RWDD3: variants seen among roughly 807,000 people sequenced by gnomAD.
RWDD3 encodes the protein RWD domain-containing protein 3.
In RWDD3, 30 loss-of-function variants were observed where a neutral mutation model predicts 26.5. The observed-to-expected ratio is 1.13, with a 90% confidence interval of 0.85 to 1.54. The LOEUF (loss-of-function observed/expected upper bound fraction) is 1.54. RWDD3 is among the 40% of genes most tolerant of loss of function. RWDD3 has a pLI of 0.00. For synonymous variants in RWDD3, 113 were observed against 114.5 expected (o/e 0.99, Z 0.09); for missense variants, 296 against 309.1 (o/e 0.96, Z 0.32).
At chr1:95,242,403 C>G (rs1486523004) in intron 1 of RWDD3, among the ~76,000 whole-genome samples, 2 of 152,194 alleles carry the variant, frequency 1.3e-5, no homozygotes, top group African/African-American at 4.8e-5. Context: ...AGTAGGTGTT[C>G]AGTGAATGCT....
chr1:95,239,752 C>A, intron 1 of RWDD3: 1 of 1,244,534 alleles, frequency 8.0e-7, no homozygotes, highest in Admixed American at 2.8e-5. Context: ...GAGTTTCACC[C>A]ATTGCTATTC....
At position 95,246,675 on chromosome 1, in the gene RWDD3, T is replaced by C. The variant is rs912524146; in HGVS notation, c.689+18T>C. 6.4e-7 allele frequency: 1 copy of C among 1,561,326 alleles called. No individual in the cohort carries two copies. ...CACAAAAGGTATAATTTAGTACTAT[T>C]GCAGATGGAAAAGCAACTGAATCGA... On this transcript the variant is annotated intron_variant, in intron 3 of 3. Transcript: ENST00000370202.
intron 1 of RWDD3, among the ~76,000 whole-genome samples, chr1:95,235,495 A>G (rs1374206764): frequency 6.7e-6 from 1 of 149,586 alleles, no homozygotes; most frequent in African/African-American, 2.5e-5. Context: ...AGTAGCTGGC[A>G]CTACAGGCGC....
At chr1:95,234,488 G>A (rs72966572) in intron 1 of RWDD3, among the ~76,000 whole-genome samples, 173 bp downstream of exon 1, 54 of 152,026 alleles carry the variant, frequency 3.6e-4, no homozygotes, top group African/African-American at 1.3e-3. Flanking sequence ...CGCAGCGGGC[G>A]GGAGTGTGAG....
In RWDD3 at chr1:95,234,227, A is replaced by G; in HGVS notation, c.-4A>G. The stretch of plus-strand genomic sequence containing the variant: ...GAAGCGCTGAGGCGGTGGGGCCCAC[A>G]GCCATGGCGGAGCCTGTGCAGGAGG... On this transcript the variant is annotated 5_prime_UTR_variant, in exon 1 of 4. Transcript: ENST00000370202. 2 of 1,583,346 alleles carry G rather than the reference A, an allele frequency of 1.3e-6. No individual in the cohort carries two copies. Among genetic ancestry groups the G allele is most frequent in the Non-Finnish European group, 1.7e-6 (2 of 1,165,366 alleles).
Position 95,244,346 on chromosome 1 carries a change from A to G in RWDD3, c.221A>G (p.Gln74Arg), listed in dbSNP as rs1314349411. Reference sequence around the variant, plus strand: ...CCTGGTATCTCGATTAACTCTGAACAGTTGACCAGGGCCCAGTGTGTGACT... The same window carrying G: ...CCTGGTATCTCGATTAACTCTGAACGGTTGACCAGGGCCCAGTGTGTGACT... ...CLPGISINSE[Q>R]LTRAQCVTVK... The change falls in exon 2 of 4, where the codon CAG becomes CGG. Residue 74 changes from glutamine to arginine, a missense_variant. Transcript: ENST00000370202. The G allele has an allele frequency of 6.2e-7, 1 of 1,614,218 alleles. No homozygotes were observed. Among genetic ancestry groups the G allele is most frequent in the Non-Finnish European group, 8.5e-7 (1 of 1,180,046 alleles).
At position 95,234,339 on chromosome 1, in the gene RWDD3, ACAGGGCGCCCT is replaced by A. The variant is rs757827181; in HGVS notation, c.85+30_85+40del. ...AGGTGACTACCCGCGCGCGGGAGGG[ACAGGGCGCCCT>A]CAGGGGCCACCCGCGTTCGCTTTGC... On this transcript the variant is annotated intron_variant, in intron 1 of 3. Coordinates refer to ENST00000370202, the MANE Select transcript of RWDD3 (RefSeq NM_015485.5). 2.5e-5 allele frequency: 39 copies of A among 1,569,306 alleles called. No homozygotes were observed. In the African/African-American group the frequency reaches 5.1e-4, roughly 21 times the overall value.
intron 2 of RWDD3, chr1:95,244,921 T>G: frequency 2.0e-6 from 1 of 503,882 alleles, no homozygotes; most frequent in Non-Finnish European, 3.4e-6. Context: ...ATTTTAAAAA[T>G]CATGTCACTT....
At position 95,244,602 on chromosome 1, in the gene RWDD3, G is replaced by A. The variant is rs1680773492; in HGVS notation, c.477G>A (p.Val159=). 2 of 1,614,052 alleles carry A rather than the reference G, an allele frequency of 1.2e-6. No homozygotes were observed. The highest frequency in any genetic ancestry group is 3.3e-5 in the Admixed American group (2 of 60,006). Residue 159 remains valine (V), a synonymous_variant, in exon 2 of 4, where the codon GTG becomes GTA. Coordinates refer to ENST00000370202, the MANE Select transcript of RWDD3 (RefSeq NM_015485.5). ...CAAAGACTAAATATGTCAAAATTGT[G>A]GAGAAGTGGGCTTCAGATTTAAGGC... The part of the protein sequence containing the change: ...MRAKTKYVKI[V]EKWASDLRLT...
chr1:95,239,116 A>AGCCTTAAGTTTTCTAGGGCAT (rs1553178064), intron 1 of RWDD3, among the ~76,000 whole-genome samples: 1 of 152,174 alleles, frequency 6.6e-6, no homozygotes, highest in African/African-American at 2.4e-5. Flanking sequence ...TTCTGGGGCA[A>AGCCTTAAGTTTTCTAGGGCAT]GCCTTAAGTT....
At position 95,238,703 on chromosome 1, in the gene RWDD3, AC is replaced by A. The variant is rs558150551; in HGVS notation, c.85+4391del. Among the ~76,000 whole-genome samples, 570 of 151,194 alleles carry A rather than the reference AC, an allele frequency of 3.8e-3. 2 individuals carry two copies. Among genetic ancestry groups the A allele is most frequent in the Non-Finnish European group, 5.5e-3 (372 of 67,702 alleles). On this transcript the variant is annotated intron_variant, in intron 1 of 3. Transcript: ENST00000370202. The stretch of plus-strand genomic sequence containing the variant: ...ATGGGCTCTTAGTGAATCCTGAAAA[AC>A]CCATTCTCTTAAATTTTACCTTTTT...
At position 95,234,269 on chromosome 1, in the gene RWDD3, C is replaced by A; in HGVS notation, c.39C>A (p.Ala13=). 1.9e-6 allele frequency: 3 copies of A among 1,599,186 alleles called. No homozygotes were observed. The highest frequency in any genetic ancestry group is 1.3e-5 in the African/African-American group (1 of 74,858). The stretch of plus-strand genomic sequence containing the variant: ...TGCAGGAGGAGCTCTCGGTCCTGGC[C>A]GCGATTTTCTGCAGGCCCCACGAGT... ...EPVQEELSVL[A]AIFCRPHEWE... is the part of the protein sequence containing the mutation. The change falls in exon 1 of 4, where the codon GCC becomes GCA. Residue 13 remains alanine (A), a synonymous_variant. Transcript: ENST00000370202.
At chr1:95,241,789 T>G (rs1444627221) in intron 1 of RWDD3, among the ~76,000 whole-genome samples, 1 of 152,076 alleles carries the variant, frequency 6.6e-6, no homozygotes, top group Non-Finnish European at 1.5e-5. Flanking sequence ...AAGTTCACAT[T>G]TATTTAGTAC....
intron 1 of RWDD3, among the ~76,000 whole-genome samples, chr1:95,240,610 G>A (rs2101109139): frequency 6.6e-6 from 1 of 152,248 alleles, no homozygotes; most frequent in South Asian, 2.1e-4. Context: ...GAAGCAAAAA[G>A]TGAGGAGAGA....
At chr1:95,237,947 G>C (rs1005161441) in intron 1 of RWDD3, among the ~76,000 whole-genome samples, 16 of 152,232 alleles carry the variant, frequency 1.1e-4, no homozygotes, top group Non-Finnish European at 1.9e-4. Context: ...TGCAGAAAGA[G>C]CGATAATGAG....
intron 1 of RWDD3, among the ~76,000 whole-genome samples, chr1:95,238,551 A>G (rs1010603744): frequency 6.6e-6 from 1 of 151,614 alleles, no homozygotes; most frequent in Non-Finnish European, 1.5e-5. Flanking sequence ...ACCAAGTATG[A>G]GAGGGTGCTG....
rs576055913 is a variant in RWDD3 at position 95,242,702 on chromosome 1, C to T, written c.86-1509C>T. ...GGGAGGCCAAGGCGGGTGGTTCACC[C>T]GAGGTCAGGAGTTTGAGACCAGCCT... On this transcript the variant is annotated intron_variant, in intron 1 of 3. Transcript: ENST00000370202. Among the ~76,000 whole-genome samples the T allele has an allele frequency of 8.6e-5, 13 of 151,986 alleles. No individual in the cohort carries two copies. The Middle Eastern group carries it at 0.014, about 159-fold the overall frequency.
chr1:95,243,374 TGCAGAGGGAAGTA>T (rs1680714010), intron 1 of RWDD3: 1 of 152,068 alleles, frequency 6.6e-6, no homozygotes, highest in Admixed American at 6.5e-5. Context: ...CAAAGGCACG[TGCAGAGGGAAGTA>T]GGGGTAGAGA....
intron 1 of RWDD3, among the ~76,000 whole-genome samples, chr1:95,242,262 G>A (rs1680663569): frequency 6.6e-6 from 1 of 152,218 alleles, no homozygotes; most frequent in South Asian, 2.1e-4. Flanking sequence ...AGGTGTAGAA[G>A]AGAAGTCAAG....
Sources: allele counts gnomAD v4.1 joint callset (sites outside exome capture counted in the v4.1 genomes callset), GRCh38; gene constraint gnomAD v4.1.1; transcripts MANE v1.5; gene names NCBI Gene and HGNC (gene_info 2026-07-23, HGNC 2026-07-21).